Variants in FABP12 observed in about 807,000 individuals in gnomAD.
FABP12 encodes fatty acid binding protein 12, also known as fatty acid-binding protein 12.
A neutral mutation model predicts 13.7 loss-of-function variants in FABP12; 19 were observed. The ratio of observed to expected loss-of-function variants is 1.39; its 90% CI spans 0.97 to 2.04. The LOEUF (loss-of-function observed/expected upper bound fraction) is 2.04, where lower values mean the gene tolerates loss of function less well. Among genes scored for constraint, FABP12 ranks in the 30% most tolerant of loss-of-function variants. FABP12 has a pLI of 0.00. For synonymous variants in FABP12, 61 were observed against 57.0 expected (o/e 1.07, Z -0.32); for missense variants, 182 against 164.2 (o/e 1.11, Z -0.59).
rs779824226 is a variant in FABP12 at position 81,529,568 on chromosome 8, G to A, written c.116C>T (p.Pro39Leu). ...TCCATCTGTACTGATGGTCACAGTG[G>A]GTTTTGCCAAACGGCCCAGTTTCCT... The change falls in exon 3 of 5, where the codon CCC becomes CTC. Residue 39 changes from proline (P) to leucine (L), a missense_variant. Physicochemically the swap from Pro to Leu is moderately conservative, Grantham distance 98. Transcript: ENST00000360464. 12 of 1,613,834 alleles carry A rather than the reference G, an allele frequency of 7.4e-6. No individual in the cohort carries two copies. The South Asian group carries it at 1.3e-4, about 18-fold the overall frequency.
chr8:81,574,367 A>T (rs1809993359), intron 1 of FABP12, among the ~76,000 whole-genome samples: 1 of 152,186 alleles, frequency 6.6e-6, no homozygotes, highest in Non-Finnish European at 1.5e-5. Context: ...GCATTTTGAT[A>T]AGAGTTTTAG....
chr8:81,534,365 G>A (rs936300072), upstream of FABP12, among the ~76,000 whole-genome samples: 1 of 152,104 alleles, frequency 6.6e-6, no homozygotes, highest in African/African-American at 2.4e-5. Context: ...AAGCCAAAGA[G>A]TCCCACAAGA....
chr8:81,556,879 C>CTT (rs11338781), intron 1 of FABP12, among the ~76,000 whole-genome samples: 125 of 109,242 alleles, frequency 1.1e-3, no homozygotes, highest in Non-Finnish European at 1.4e-3. Flanking sequence ...AAGTGTACAT[C>CTT]TTTTTTTTTT....
intron 4 of FABP12, 68 bp downstream of exon 4, chr8:81,526,952 A>T: frequency 1.1e-6 from 1 of 889,138 alleles, no homozygotes; most frequent in Non-Finnish European, 1.7e-6. Context: ...TCATTGTTTG[A>T]GAACAAGTTG....
At chr8:81,585,652 C>T (rs545709493) in intron 1 of FABP12, among the ~76,000 whole-genome samples, 154 of 152,258 alleles carry the variant, frequency 1.0e-3, no homozygotes, top group African/African-American at 3.6e-3. Flanking sequence ...TTTGATGAAT[C>T]TGTAAATTGC....
chr8:81,538,565 T>C (rs917137004), upstream of FABP12, among the ~76,000 whole-genome samples: 1 of 152,122 alleles, frequency 6.6e-6, no homozygotes, highest in African/African-American at 2.4e-5. Context: ...AAGATAGCAA[T>C]TGACGAGCTG....
chr8:81,539,584 A>G (rs917412873), intron 2 of FABP12, among the ~76,000 whole-genome samples: 25 of 152,176 alleles, frequency 1.6e-4, no homozygotes, highest in Admixed American at 1.2e-3. Flanking sequence ...AAATTAGTTG[A>G]TGCTGGTAAA....
intron 1 of FABP12, among the ~76,000 whole-genome samples, chr8:81,587,699 T>C (rs1266557509): frequency 1.3e-5 from 2 of 152,028 alleles, no homozygotes; most frequent in Non-Finnish European, 2.9e-5. Context: ...ATCCTGAAAC[T>C]TTGCTGAAGT....
intron 1 of FABP12, among the ~76,000 whole-genome samples, chr8:81,542,317 T>TG (rs1359542134): frequency 3.9e-5 from 6 of 152,006 alleles, no homozygotes; most frequent in Non-Finnish European, 5.9e-5. Flanking sequence ...TAAGGGAGCC[T>TG]GGGGGGGTTC....
chr8:81,544,750 A>G (rs1430472000), intron 1 of FABP12, among the ~76,000 whole-genome samples: 1 of 152,194 alleles, frequency 6.6e-6, no homozygotes, highest in African/African-American at 2.4e-5. Flanking sequence ...AATAAGACCC[A>G]ATCCCAGACC....
chr8:81,559,390 G>A (rs2130038731), intron 1 of FABP12, among the ~76,000 whole-genome samples: 1 of 152,292 alleles, frequency 6.6e-6, no homozygotes, highest in African/African-American at 2.4e-5. Flanking sequence ...AAAATGCCCT[G>A]ATGGCCAACT....
intron 1 of FABP12, among the ~76,000 whole-genome samples, chr8:81,547,502 C>T (rs915891104): frequency 6.6e-6 from 1 of 152,164 alleles, no homozygotes; most frequent in African/African-American, 2.4e-5. Context: ...ACTATAACTG[C>T]TCTTCTTTTT....
chr8:81,589,258 C>G (rs1311833672), intron 1 of FABP12, among the ~76,000 whole-genome samples: 1 of 152,106 alleles, frequency 6.6e-6, no homozygotes, highest in Non-Finnish European at 1.5e-5. Flanking sequence ...AGAAATGAAT[C>G]CTTTAAAACA....
At position 81,558,137 on chromosome 8, in the gene FABP12, C is replaced by T. The variant is rs549722285; in HGVS notation, c.-184-18394G>A. ...AATCGGGAACCTTGCTTCTCTACTG[C>T]GTGCTCTGAAAGGAGGAAGAATGCT... On this transcript the variant is annotated intron_variant, in intron 1 of 5. Coordinates refer to the FABP12 transcript ENST00000692030. Among the ~76,000 whole-genome samples, 8 of 152,308 alleles carry T rather than the reference C, an allele frequency of 5.3e-5. No homozygotes were observed. In the East Asian group the frequency reaches 5.8e-4, roughly 11 times the overall value.
intron 1 of FABP12, among the ~76,000 whole-genome samples, chr8:81,565,985 T>G (rs1278655393): frequency 2.6e-5 from 4 of 151,864 alleles, no homozygotes. Flanking sequence ...AAAGGAAACA[T>G]TACAACTGAT....
At chr8:81,570,108 C>T (rs374746569) in intron 1 of FABP12, among the ~76,000 whole-genome samples, 1 of 152,186 alleles carries the variant, frequency 6.6e-6, no homozygotes, top group Non-Finnish European at 1.5e-5. Flanking sequence ...TGCAGCTGGA[C>T]CCGGTGCATT....
At chr8:81,528,378 C>G (rs1425606627) in intron 3 of FABP12, among the ~76,000 whole-genome samples, 3 of 152,160 alleles carry the variant, frequency 2.0e-5, no homozygotes, top group Non-Finnish European at 4.4e-5. Context: ...CGCACCCAAC[C>G]TAGCTTTTTT....
At chr8:81,557,934 G>A (rs1294002782) in intron 1 of FABP12, among the ~76,000 whole-genome samples, 1 of 152,104 alleles carries the variant, frequency 6.6e-6, no homozygotes, top group Non-Finnish European at 1.5e-5. Context: ...GGTACTCATG[G>A]CCTTGGCCCT....
upstream of FABP12, among the ~76,000 whole-genome samples, chr8:81,537,024 A>G (rs1015306341): frequency 6.6e-6 from 1 of 152,220 alleles, no homozygotes; most frequent in Middle Eastern, 3.2e-3. Flanking sequence ...AACAACTACT[A>G]TAGGCTTTCT....
Sources: gnomAD v4.1 joint callset for allele counts (sites outside exome capture counted in the v4.1 genomes callset) on GRCh38, gnomAD v4.1.1 for gene constraint, MANE v1.5 for transcripts, NCBI Gene and HGNC (gene_info 2026-07-23, HGNC 2026-07-21) for gene names.